The following SPIDR variants were observed in gnomAD, a reference collection of about 807,000 sequenced individuals.
The protein encoded by SPIDR is scaffold protein involved in DNA repair, also known as DNA repair-scaffolding protein.
SPIDR carries 93 observed loss-of-function variants against 104.6 expected under a neutral mutation model. The ratio of observed to expected loss-of-function variants is 0.89; its 90% CI spans 0.75 to 1.06. The LOEUF is 1.06. Ranked by LOEUF, SPIDR falls within the 50% of genes least tolerant of loss-of-function variation. The probability of loss-of-function intolerance (pLI) is 0.00; values close to 1 mark genes in which losing one functional copy is unlikely to be tolerated. For synonymous variants in SPIDR, 431 were observed against 416.9 expected (o/e 1.03, Z -0.41); for missense variants, 1,154 against 1,111.2 (o/e 1.04, Z -0.55).
chr8:47,453,494 C>G (rs576568814), intron 8 of SPIDR, among the ~76,000 whole-genome samples: 271 of 152,178 alleles, frequency 1.8e-3, no homozygotes, highest in Admixed American at 2.7e-3. Flanking sequence ...AACAAAAACA[C>G]CATGGTACTG....
At chr8:47,675,568 T>G (rs912528270) in intron 11 of SPIDR, among the ~76,000 whole-genome samples, 4 of 152,210 alleles carry the variant, frequency 2.6e-5, no homozygotes, top group South Asian at 2.1e-4. Flanking sequence ...CCTCACACTT[T>G]GGGAAGCCAA....
intron 8 of SPIDR, among the ~76,000 whole-genome samples, chr8:47,517,187 A>G (rs955343850): frequency 4.6e-5 from 7 of 152,118 alleles, no homozygotes; most frequent in Non-Finnish European, 1.0e-4. Flanking sequence ...ATTTTCCCCA[A>G]GTTGGCCAGG....
chr8:47,385,781 T>A (rs1554647879), intron 5 of SPIDR, among the ~76,000 whole-genome samples: 1 of 152,230 alleles, frequency 6.6e-6, no homozygotes, highest in Non-Finnish European at 1.5e-5. Flanking sequence ...GCTTGTTAAT[T>A]GTGGCAGATT....
chr8:47,415,475 G>A (rs573456690), intron 7 of SPIDR, among the ~76,000 whole-genome samples: 4 of 152,054 alleles, frequency 2.6e-5, no homozygotes, highest in Non-Finnish European at 4.4e-5. Flanking sequence ...CTGAATTTTT[G>A]TATGCTCCCA....
intron 8 of SPIDR, among the ~76,000 whole-genome samples, chr8:47,488,674 C>T (rs187768193): frequency 1.4e-4 from 21 of 152,190 alleles, no homozygotes; most frequent in African/African-American, 4.3e-4. Flanking sequence ...GGCTTCATCC[C>T]GGGGATGCAA....
At chr8:47,363,199 C>CTTTTTTTTTTTTTTTTTTTTT (rs34705214) in intron 5 of SPIDR, among the ~76,000 whole-genome samples, 1 of 79,694 alleles carries the variant, frequency 1.3e-5, no homozygotes, top group Non-Finnish European at 2.3e-5. Context: ...CTTTATCTCT[C>CTTTTTTTTTTTTTTTTTTTTT]TTTTTTTTTT....
chr8:47,607,426 C>G (rs1485526961), intron 10 of SPIDR, among the ~76,000 whole-genome samples: 1 of 151,972 alleles, frequency 6.6e-6, no homozygotes, highest in East Asian at 1.9e-4. Context: ...ATATCCAAGG[C>G]CATTTGACAT....
At chr8:47,436,772 C>T (rs1554692282) in intron 7 of SPIDR, among the ~76,000 whole-genome samples, 2 of 152,122 alleles carry the variant, frequency 1.3e-5, no homozygotes, top group South Asian at 2.1e-4. Context: ...TGGTATAAGT[C>T]GTCCCTTGCT....
chr8:47,376,716 T>G (rs2058700523), intron 5 of SPIDR, among the ~76,000 whole-genome samples: 1 of 152,014 alleles, frequency 6.6e-6, no homozygotes, highest in African/African-American at 2.4e-5. Context: ...GTAGGTCATC[T>G]GAATTTTAGA....
rs1470869819 is a variant in SPIDR, at chr8:47,576,616, T to G, written c.1098-19195T>G. ...ACCTGGCTAATTTGTATATTTTTAG[T>G]ACAGACAGGATTTCACCATGTTGAC... On this transcript the variant is annotated intron_variant, in intron 8 of 19. Transcript: ENST00000297423. Among the ~76,000 whole-genome samples, 3 of 151,846 alleles carry G rather than the reference T, an allele frequency of 2.0e-5. No homozygotes were observed. The East Asian group carries it at 5.8e-4, about 29-fold the overall frequency.
intron 5 of SPIDR, among the ~76,000 whole-genome samples, chr8:47,356,448 T>C (rs1488391456): frequency 6.6e-6 from 1 of 152,120 alleles, no homozygotes; most frequent in African/African-American, 2.4e-5. Context: ...TCTCCTGATA[T>C]AATCAAAATT....
chr8:47,544,382 A>G (rs973010014), intron 8 of SPIDR, among the ~76,000 whole-genome samples: 5 of 152,184 alleles, frequency 3.3e-5, no homozygotes, highest in Non-Finnish European at 7.3e-5. Flanking sequence ...ATGAAATTCA[A>G]ATTACCAATT....
chr8:47,321,439 A>G (rs1050806010), intron 5 of SPIDR, among the ~76,000 whole-genome samples: 9 of 152,184 alleles, frequency 5.9e-5, no homozygotes, highest in Admixed American at 2.6e-4. Context: ...TCAATGAAAT[A>G]AAAGAGGATA....
chr8:47,483,177 G>T (rs1564097347), intron 8 of SPIDR, among the ~76,000 whole-genome samples: 1 of 151,818 alleles, frequency 6.6e-6, no homozygotes, highest in African/African-American at 2.4e-5. Flanking sequence ...GTTTGTGTGT[G>T]TGTCTTTTAT....
At chr8:47,313,088 G>A (rs1448603324) in intron 5 of SPIDR, among the ~76,000 whole-genome samples, 60 of 152,250 alleles carry the variant, frequency 3.9e-4, no homozygotes, top group Non-Finnish European at 6.9e-4. Flanking sequence ...AGGAAATAAA[G>A]GGTATTCAAT....
chr8:47,498,962 A>G (rs1434444816), intron 8 of SPIDR, among the ~76,000 whole-genome samples: 1 of 152,198 alleles, frequency 6.6e-6, no homozygotes, highest in Admixed American at 6.5e-5. Flanking sequence ...TTAAGAAAAT[A>G]TTTGTAATCA....
At chr8:47,563,208 C>T (rs1364054859) in intron 8 of SPIDR, among the ~76,000 whole-genome samples, 1 of 152,044 alleles carries the variant, frequency 6.6e-6, no homozygotes, top group East Asian at 1.9e-4. Context: ...CACACCCTGT[C>T]GCCTAGGCTG....
chr8:47,385,110 T>G (rs1554647372), intron 5 of SPIDR, among the ~76,000 whole-genome samples: 1 of 152,172 alleles, frequency 6.6e-6, no homozygotes, highest in Non-Finnish European at 1.5e-5. Context: ...GGAAAAAATT[T>G]CAATTAGAAC....
At chr8:47,555,014 T>G (rs1431854262) in intron 8 of SPIDR, among the ~76,000 whole-genome samples, 1 of 152,228 alleles carries the variant, frequency 6.6e-6, no homozygotes, top group Non-Finnish European at 1.5e-5. Context: ...AGCAAATTTT[T>G]TTTCCTAAAT....
Sources: allele counts gnomAD v4.1 joint callset (sites outside exome capture counted in the v4.1 genomes callset), GRCh38; gene constraint gnomAD v4.1.1; transcripts MANE v1.5; gene names NCBI Gene and HGNC (gene_info 2026-07-23, HGNC 2026-07-21).